The following KAZN variants were observed in gnomAD, a reference collection of about 807,000 sequenced individuals.
KAZN encodes kazrin, periplakin interacting protein, also known as kazrin.
In KAZN, 40 loss-of-function variants were observed where a neutral mutation model predicts 87.4. That is an observed-to-expected ratio of 0.46 (90% CI 0.36 to 0.60). The LOEUF is 0.60. Ranked by LOEUF, KAZN falls within the 20% of genes least tolerant of loss-of-function variation. The probability of loss-of-function intolerance (pLI) is 0.00; values close to 1 mark genes in which losing one functional copy is unlikely to be tolerated. For synonymous variants in KAZN, 466 were observed against 458.3 expected, an observed-to-expected ratio of 1.02 and a Z score of -0.22; for missense variants, 898 against 1,073.9, an observed-to-expected ratio of 0.84 and a Z score of 2.29.
chr1:15,053,126 G>A (rs775380042), intron 4 of KAZN, among the ~76,000 whole-genome samples: 6 of 152,348 alleles, frequency 3.9e-5, no homozygotes, highest in Middle Eastern at 3.4e-3. Flanking sequence ...CTCCCGAGTC[G>A]CACTTTCTGG....
chr1:14,471,719 G>C (rs1364877069), intron 2 of KAZN, among the ~76,000 whole-genome samples: 1 of 152,292 alleles, frequency 6.6e-6, no homozygotes, highest in East Asian at 1.9e-4. Context: ...CTCCCACTTA[G>C]TCTGTATCTT....
At chr1:13,956,453 A>G (rs911579547) in intron 1 of KAZN, among the ~76,000 whole-genome samples, 1 of 151,962 alleles carries the variant, frequency 6.6e-6, no homozygotes. Flanking sequence ...TTCCTGACCA[A>G]TGACAAAACT....
chr1:15,111,343 A>C (rs898859376), intron 13 of KAZN, among the ~76,000 whole-genome samples: 2 of 151,898 alleles, frequency 1.3e-5, no homozygotes, highest in African/African-American at 4.8e-5. Context: ...ATCTCGGCTC[A>C]CTGCAACCTC....
At chr1:14,629,578 A>G (rs1256286734) in intron 1 of KAZN, among the ~76,000 whole-genome samples, 2 of 152,124 alleles carry the variant, frequency 1.3e-5, no homozygotes, top group Non-Finnish European at 2.9e-5. Flanking sequence ...TCCTCTGTCC[A>G]TAGCAGTCTT....
At chr1:14,426,925 A>G (rs1435838505) in intron 2 of KAZN, among the ~76,000 whole-genome samples, 1 of 151,774 alleles carries the variant, frequency 6.6e-6, no homozygotes, top group East Asian at 1.9e-4. Context: ...TTCTTCTATC[A>G]CTCACCCAGC....
At chr1:14,664,009 G>C (rs979338703) in intron 1 of KAZN, among the ~76,000 whole-genome samples, 3 of 152,212 alleles carry the variant, frequency 2.0e-5, no homozygotes, top group African/African-American at 7.2e-5. Context: ...AGAAAATGTT[G>C]ACACATGCTA....
At chr1:14,301,073 A>G (rs748743730) in intron 2 of KAZN, among the ~76,000 whole-genome samples, 7 of 152,192 alleles carry the variant, frequency 4.6e-5, no homozygotes, top group Non-Finnish European at 8.8e-5. Context: ...GCCTGAACCA[A>G]GAGATTCCAC....
chr1:14,580,339 G>T (rs904157063), intron 2 of KAZN, among the ~76,000 whole-genome samples: 1 of 152,126 alleles, frequency 6.6e-6, no homozygotes, highest in Admixed American at 6.5e-5. Flanking sequence ...GCCGAGCGTG[G>T]TGTCGCGTGC....
chr1:14,449,413 A>G (rs1667146521), intron 2 of KAZN, among the ~76,000 whole-genome samples: 1 of 152,192 alleles, frequency 6.6e-6, no homozygotes, highest in Non-Finnish European at 1.5e-5. Flanking sequence ...ATATTTTGCC[A>G]TCACCCTCAG....
At position 14,996,846 on chromosome 1, in the gene KAZN, G is replaced by A. The variant is rs1318836768; in HGVS notation, c.418+35971G>A. 1.3e-5 allele frequency among the ~76,000 whole-genome samples: 2 copies of A among 152,174 alleles called. No individual in the cohort carries two copies. The highest frequency in any genetic ancestry group is 4.8e-5 in the African/African-American group (2 of 41,432). On this transcript the variant is annotated intron_variant, in intron 2 of 14. Transcript: ENST00000376030. This position sits in a 1 kb window ranked among gnomAD's most constrained non-coding sequence, Gnocchi z 5.9. The stretch of plus-strand genomic sequence containing the variant: ...TGCATGTGGGGCACTGGGAGGGAGG[G>A]CCGTTTGCCTGCGGCCCCATGACCT...
At chr1:13,917,969 T>C (rs115789162) in intron 1 of KAZN, among the ~76,000 whole-genome samples, 4,035 of 152,294 alleles carry the variant, frequency 0.026, 90 homozygotes, top group Non-Finnish European at 0.042. Flanking sequence ...TTCAAAATAT[T>C]ACTGCTCATA....
At chr1:14,818,845 A>C (rs1333852677) in intron 1 of KAZN, among the ~76,000 whole-genome samples, 1 of 152,148 alleles carries the variant, frequency 6.6e-6, no homozygotes, top group Non-Finnish European at 1.5e-5. Flanking sequence ...ACTTGAGGTC[A>C]GCAGTTCAAG....
chr1:14,627,711 GACAA>G (rs1572081041), intron 1 of KAZN, among the ~76,000 whole-genome samples: 2 of 152,156 alleles, frequency 1.3e-5, no homozygotes, highest in Admixed American at 1.3e-4. Flanking sequence ...CACAGCAGCT[GACAA>G]ACAGAGAGCC....
chr1:14,335,103 G>T, intron 2 of KAZN, among the ~76,000 whole-genome samples: 1 of 118,112 alleles, frequency 8.5e-6, no homozygotes, highest in African/African-American at 2.8e-5. Context: ...TGAATGACTC[G>T]GTGCCCCCCC....
intron 2 of KAZN, among the ~76,000 whole-genome samples, chr1:14,389,345 C>G (rs1443105541): frequency 6.6e-6 from 1 of 152,178 alleles, no homozygotes; most frequent in Admixed American, 6.5e-5. Flanking sequence ...AGCAATCCCA[C>G]TCCTAGGTAT....
intron 1 of KAZN, chr1:14,692,133 TCTAGCTTC>T: frequency 3.1e-6 from 1 of 319,100 alleles, no homozygotes; most frequent in Non-Finnish European, 6.0e-6. Context: ...GTTTCAGGCT[TCTAGCTTC>T]ACCGAATCTA....
intron 2 of KAZN, among the ~76,000 whole-genome samples, chr1:14,584,064 C>T (rs1675708280): frequency 6.6e-6 from 1 of 152,196 alleles, no homozygotes; most frequent in Non-Finnish European, 1.5e-5. Flanking sequence ...CATGCGTTGC[C>T]TGGTCTGCCC....
intron 2 of KAZN, among the ~76,000 whole-genome samples, chr1:14,315,011 A>G (rs1469638316): frequency 6.6e-6 from 1 of 152,112 alleles, no homozygotes; most frequent in African/African-American, 2.4e-5. Flanking sequence ...TCATTCCTTT[A>G]TGTTGCTGAA....
chr1:14,939,606 C>T (rs1660829913), intron 1 of KAZN, among the ~76,000 whole-genome samples: 1 of 152,158 alleles, frequency 6.6e-6, no homozygotes. Flanking sequence ...TCCGCATTGG[C>T]AGTGGGAGGT....
Sources: gnomAD v4.1 joint callset for allele counts (sites outside exome capture counted in the v4.1 genomes callset) on GRCh38, gnomAD v4.1.1 for gene constraint, Gnocchi (gnomAD v3.1) non-coding constraint, MANE v1.5 for transcripts, NCBI Gene and HGNC (gene_info 2026-07-23, HGNC 2026-07-21) for gene names.